HDAC9: variants seen among roughly 807,000 people sequenced by gnomAD.
The protein encoded by HDAC9 is histone deacetylase 9.
Under a neutral mutation model 139.4 loss-of-function variants are expected in HDAC9, and 41 were observed. The ratio of observed to expected loss-of-function variants is 0.29; its 90% CI spans 0.23 to 0.38. HDAC9 has a LOEUF of 0.38. Ranked by LOEUF, HDAC9 falls within the 10% of genes least tolerant of loss-of-function variation. The pLI is 1.00. For synonymous variants in HDAC9, 517 were observed against 476.2 expected (o/e 1.09, Z -1.12); for missense variants, 1,147 against 1,297.0 (o/e 0.88, Z 1.78).
intron 1 of HDAC9, among the ~76,000 whole-genome samples, chr7:18,306,798 CTCCAACCAGACTTA>C: frequency 6.6e-6 from 1 of 152,228 alleles, no homozygotes; most frequent in East Asian, 1.9e-4. Flanking sequence ...AAATTCTTCA[CTCCAACCAGACTTA>C]TTTACTCACA....
chr7:18,695,504 G>A (rs1278106041), intron 12 of HDAC9, among the ~76,000 whole-genome samples: 1 of 152,194 alleles, frequency 6.6e-6, no homozygotes, highest in African/African-American at 2.4e-5. Context: ...ACACAGCATA[G>A]TGACACTTCC....
At chr7:18,903,076 A>G (rs1211682385) in intron 22 of HDAC9, among the ~76,000 whole-genome samples, 1 of 152,228 alleles carries the variant, frequency 6.6e-6, no homozygotes, top group Non-Finnish European at 1.5e-5. Flanking sequence ...GAGCAATTTG[A>G]AAACAATTTT....
At chr7:18,235,928 T>C (rs1347348789) in intron 2 of HDAC9, among the ~76,000 whole-genome samples, 5 of 152,190 alleles carry the variant, frequency 3.3e-5, no homozygotes, top group African/African-American at 1.2e-4. Flanking sequence ...ACTAAGGATA[T>C]AGTGAAATCA....
chr7:18,588,264 T>A (rs1830001881), intron 3 of HDAC9, among the ~76,000 whole-genome samples: 1 of 152,130 alleles, frequency 6.6e-6, no homozygotes, highest in Admixed American at 6.5e-5. Context: ...AGGCACCTAA[T>A]GTAAAAAACA....
chr7:18,551,784 T>C (rs1055318349), intron 2 of HDAC9, among the ~76,000 whole-genome samples: 1 of 152,214 alleles, frequency 6.6e-6, no homozygotes, highest in Non-Finnish European at 1.5e-5. Flanking sequence ...TGTTTAAAAT[T>C]GTTTTAAGAA....
In HDAC9 at chr7:18,498,482, G is replaced by A. The variant is rs1310515864; in HGVS notation, c.22+2158G>A. ...TGGTGATGCTGGTGAACCACTATCA[G>A]TAGGGTTTGTCCTTTGAGCTAACTG... On this transcript the variant is annotated intron_variant, in intron 2 of 25. Transcript: ENST00000686413. 7.2e-5 allele frequency among the ~76,000 whole-genome samples: 11 copies of A among 152,254 alleles called. No individual in the cohort carries two copies. The East Asian group carries it at 2.1e-3, about 29-fold the overall frequency.
chr7:18,356,966 G>C (rs796498529), intron 1 of HDAC9, among the ~76,000 whole-genome samples: 4 of 152,126 alleles, frequency 2.6e-5, no homozygotes, highest in Admixed American at 1.3e-4. Flanking sequence ...AACAAATAAG[G>C]GTTGGAAAGG....
At chr7:18,827,073 C>T (rs1795502960) in intron 17 of HDAC9, among the ~76,000 whole-genome samples, 1 of 151,096 alleles carries the variant, frequency 6.6e-6, no homozygotes, top group East Asian at 1.9e-4. Flanking sequence ...GGCAACATAG[C>T]GAGACCTCGT....
intron 1 of HDAC9, among the ~76,000 whole-genome samples, chr7:18,334,506 C>T (rs1781442402): frequency 6.6e-6 from 1 of 151,278 alleles, no homozygotes; most frequent in Non-Finnish European, 1.5e-5. Flanking sequence ...TGTCAAATGC[C>T]AGAGGCATTC....
intron 23 of HDAC9, among the ~76,000 whole-genome samples, chr7:18,941,600 A>C (rs916970040): frequency 3.3e-5 from 5 of 152,168 alleles, no homozygotes; most frequent in Admixed American, 3.3e-4. Flanking sequence ...AATCTGGGAA[A>C]GCTTACAAGC....
chr7:18,877,251 C>T (rs1799388147), intron 22 of HDAC9, among the ~76,000 whole-genome samples: 2 of 152,082 alleles, frequency 1.3e-5, no homozygotes, highest in Non-Finnish European at 2.9e-5. Context: ...ATAGTTGTTC[C>T]CTAAAACACT....
intron 1 of HDAC9, among the ~76,000 whole-genome samples, chr7:18,445,921 C>G (rs1381364170): frequency 6.6e-6 from 1 of 152,184 alleles, no homozygotes; most frequent in African/African-American, 2.4e-5. Context: ...GTTTACAAGT[C>G]AAACATATCT....
chr7:18,187,015 G>T (rs73062435), intron 2 of HDAC9, among the ~76,000 whole-genome samples: 4,325 of 152,260 alleles, frequency 0.028, 109 homozygotes, highest in East Asian at 0.11. Flanking sequence ...GCAACTTTCA[G>T]TGTATTAGTT....
chr7:18,849,233 C>A (rs1462501518), intron 21 of HDAC9, among the ~76,000 whole-genome samples: 1 of 152,128 alleles, frequency 6.6e-6, no homozygotes, highest in Non-Finnish European at 1.5e-5. Flanking sequence ...ACTGAGCATA[C>A]CACAATCCAT....
intron 2 of HDAC9, among the ~76,000 whole-genome samples, chr7:18,226,621 G>A (rs1017654811): frequency 6.6e-6 from 1 of 152,174 alleles, no homozygotes; most frequent in Non-Finnish European, 1.5e-5. Flanking sequence ...ATGGAATATG[G>A]TGGGAACATA....
chr7:18,352,570 A>G (rs534927136), intron 1 of HDAC9, among the ~76,000 whole-genome samples: 5 of 152,228 alleles, frequency 3.3e-5, no homozygotes, highest in East Asian at 1.9e-4. Flanking sequence ...CCAGAAGTTC[A>G]TTTCAAAGAT....
intron 1 of HDAC9, among the ~76,000 whole-genome samples, chr7:18,378,190 T>C (rs1785142657): frequency 6.6e-6 from 1 of 152,146 alleles, no homozygotes. Flanking sequence ...TAGGAAAATA[T>C]AAGAGATTCG....
intron 1 of HDAC9, among the ~76,000 whole-genome samples, chr7:18,361,729 C>T (rs748712306): frequency 2.6e-5 from 4 of 151,710 alleles, no homozygotes; most frequent in African/African-American, 4.8e-5. Context: ...ATTCATAGAG[C>T]AATGCTGTTG....
intron 16 of HDAC9, among the ~76,000 whole-genome samples, chr7:18,775,502 C>A (rs1295479966): frequency 6.6e-6 from 1 of 151,906 alleles, no homozygotes; most frequent in East Asian, 1.9e-4. Context: ...GAATAAAAAC[C>A]AAGACCTACA....
Sources: allele counts gnomAD v4.1 joint callset (sites outside exome capture counted in the v4.1 genomes callset), GRCh38; gene constraint gnomAD v4.1.1; transcripts MANE v1.5; gene names NCBI Gene and HGNC (gene_info 2026-07-23, HGNC 2026-07-21).